ZBTB20: variants seen among roughly 807,000 people sequenced by gnomAD.
ZBTB20 encodes the protein zinc finger and BTB domain-containing protein 20.
A neutral mutation model predicts 56.9 loss-of-function variants in ZBTB20; 9 were observed. The ratio of observed to expected loss-of-function variants is 0.16; its 90% CI spans 0.10 to 0.28. The LOEUF is 0.28. Among genes scored for constraint, ZBTB20 ranks in the 10% least tolerant of loss-of-function variants. The pLI, the probability that ZBTB20 is intolerant of heterozygous loss-of-function variation, is 1.00. For missense variants in ZBTB20, 655 were observed against 1,003.0 expected (o/e 0.65, Z 4.69); for synonymous variants, 417 against 420.7 (o/e 0.99, Z 0.11).
intron 4 of ZBTB20, among the ~76,000 whole-genome samples, chr3:114,824,022 T>C (rs1244232524): frequency 1.3e-5 from 2 of 151,962 alleles, no homozygotes; most frequent in Non-Finnish European, 2.9e-5. Context: ...TAGACAAACT[T>C]TGAGTGCCAG....
At chr3:115,024,989 T>C (rs2080360627) in intron 2 of ZBTB20, among the ~76,000 whole-genome samples, 1 of 151,238 alleles carries the variant, frequency 6.6e-6, no homozygotes, top group Admixed American at 6.6e-5. Context: ...ACATGTTTGT[T>C]ACATAGGTAA....
intron 6 of ZBTB20, among the ~76,000 whole-genome samples, chr3:114,651,960 C>T (rs766428548): frequency 6.6e-6 from 1 of 151,802 alleles, no homozygotes; most frequent in Non-Finnish European, 1.5e-5. Context: ...ACCAGGGTAG[C>T]CATTAGGAAA....
chr3:114,346,106 G>C (rs942155403), intron 11 of ZBTB20, among the ~76,000 whole-genome samples: 4 of 152,200 alleles, frequency 2.6e-5, no homozygotes, highest in African/African-American at 9.6e-5. Flanking sequence ...TGGATAAAGA[G>C]TGGTTAGGTG....
chr3:114,827,841 G>A (rs1299172453), intron 4 of ZBTB20, among the ~76,000 whole-genome samples: 1 of 151,544 alleles, frequency 6.6e-6, no homozygotes, highest in African/African-American at 2.4e-5. Flanking sequence ...CTTCAATATA[G>A]AATTAAAAGA....
At chr3:115,006,410 C>G (rs1401339479) in intron 2 of ZBTB20, among the ~76,000 whole-genome samples, 4 of 151,126 alleles carry the variant, frequency 2.6e-5, no homozygotes, top group Admixed American at 2.0e-4. Flanking sequence ...TTTCTCCACT[C>G]TAAAATGTGC....
In ZBTB20 at chr3:114,339,002, T is replaced by C; in HGVS notation, c.*3A>G. 6.7e-7 allele frequency: 1 copy of C among 1,503,200 alleles called. No homozygotes were observed. Among genetic ancestry groups the C allele is most frequent in the South Asian group, 1.4e-5 (1 of 72,788 alleles). 93.1% of individuals were successfully genotyped at this position (1,503,200 alleles called of 1,614,324 possible). On this transcript the variant is annotated 3_prime_UTR_variant, in exon 12 of 12. Coordinates refer to ENST00000675478, the MANE Select transcript of ZBTB20 (RefSeq NM_001348800.3). This position sits in a 1 kb window ranked among gnomAD's most constrained non-coding sequence, Gnocchi z 4.2. The stretch of plus-strand genomic sequence containing the variant: ...GTTCATAAGAAAGAGAGAAAGATAC[T>C]ACTTATCCGTCAGACACATGCATCC...
At chr3:114,943,763 C>T (rs2076798026) in intron 3 of ZBTB20, among the ~76,000 whole-genome samples, 2 of 144,156 alleles carry the variant, frequency 1.4e-5, no homozygotes, top group Non-Finnish European at 3.0e-5. Context: ...TATCTCTAGT[C>T]CCAGAAGGAA....
chr3:114,760,598 T>C (rs1232699355), intron 5 of ZBTB20, among the ~76,000 whole-genome samples: 2 of 152,156 alleles, frequency 1.3e-5, no homozygotes, highest in Non-Finnish European at 2.9e-5. Context: ...ATGGTAAATA[T>C]TGCAGGATTT....
At chr3:114,886,273 T>C (rs1421172439) in intron 4 of ZBTB20, among the ~76,000 whole-genome samples, 2 of 152,260 alleles carry the variant, frequency 1.3e-5, no homozygotes, top group African/African-American at 4.8e-5. Context: ...TTGGGCTTGC[T>C]CTTTTAATCT....
intron 1 of ZBTB20, among the ~76,000 whole-genome samples, chr3:115,108,819 T>C (rs985239288): frequency 1.3e-5 from 2 of 152,098 alleles, no homozygotes; most frequent in Non-Finnish European, 2.9e-5. Context: ...ATCTTTAATA[T>C]AGAATGACTC....
intron 2 of ZBTB20, among the ~76,000 whole-genome samples, chr3:114,975,519 T>C (rs2078062322): frequency 6.6e-6 from 1 of 152,120 alleles, no homozygotes; most frequent in African/African-American, 2.4e-5. Context: ...ACCACACTAG[T>C]AAACCAAAAC....
intron 6 of ZBTB20, among the ~76,000 whole-genome samples, chr3:114,503,983 T>C (rs2044300472): frequency 6.6e-6 from 1 of 152,080 alleles, no homozygotes; most frequent in South Asian, 2.1e-4. Flanking sequence ...CTAGACTCCA[T>C]GAAGGCCATT....
intron 6 of ZBTB20, among the ~76,000 whole-genome samples, chr3:114,579,691 TA>T (rs1195976218): frequency 3.3e-5 from 5 of 150,374 alleles, no homozygotes; most frequent in South Asian, 2.1e-4. Flanking sequence ...TAGTGTCTAA[TA>T]AAAAAAAGCA....
intron 6 of ZBTB20, among the ~76,000 whole-genome samples, chr3:114,552,652 C>T (rs1483576852): frequency 6.6e-6 from 1 of 152,120 alleles, no homozygotes; most frequent in Non-Finnish European, 1.5e-5. Flanking sequence ...GCTTTGGGAG[C>T]TCCCACAAAA....
At chr3:115,050,434 A>G (rs1434977248) in intron 2 of ZBTB20, among the ~76,000 whole-genome samples, 2 of 151,972 alleles carry the variant, frequency 1.3e-5, no homozygotes, top group African/African-American at 4.8e-5. Flanking sequence ...CATGTATGAC[A>G]TTTGATAAAT....
At chr3:115,039,743 T>C (rs1355470950) in intron 2 of ZBTB20, among the ~76,000 whole-genome samples, 1 of 152,120 alleles carries the variant, frequency 6.6e-6, no homozygotes, top group East Asian at 1.9e-4. Flanking sequence ...GCACTGGACA[T>C]TGCTTTTCAA....
chr3:114,857,541 T>C (rs954121103), intron 4 of ZBTB20, among the ~76,000 whole-genome samples: 3 of 152,204 alleles, frequency 2.0e-5, no homozygotes, highest in Non-Finnish European at 4.4e-5. Flanking sequence ...AGCGCCGTTA[T>C]CCTATAATTC....
intron 7 of ZBTB20, among the ~76,000 whole-genome samples, chr3:114,478,246 G>C (rs916648489): frequency 2.0e-5 from 3 of 152,224 alleles, no homozygotes; most frequent in East Asian, 3.9e-4. Flanking sequence ...GATTACAGGC[G>C]TGAGCCACCA....
chr3:114,544,129 A>C (rs1348548254), intron 6 of ZBTB20, among the ~76,000 whole-genome samples: 1 of 152,228 alleles, frequency 6.6e-6, no homozygotes, highest in African/African-American at 2.4e-5. Context: ...AGTTAGACTT[A>C]CTGGATTTGG....
Sources: allele counts gnomAD v4.1 joint callset (sites outside exome capture counted in the v4.1 genomes callset), GRCh38; gene constraint gnomAD v4.1.1; non-coding constraint Gnocchi (gnomAD v3.1); transcripts MANE v1.5; gene names NCBI Gene and HGNC (gene_info 2026-07-23, HGNC 2026-07-21).